DSG3: variants seen among roughly 807,000 people sequenced by gnomAD.
DSG3 encodes the protein desmoglein 3.
A neutral mutation model predicts 85.9 loss-of-function variants in DSG3; 63 were observed. The ratio of observed to expected loss-of-function variants is 0.73; its 90% CI spans 0.60 to 0.90. DSG3 has a LOEUF of 0.90. Ranked by LOEUF, DSG3 falls within the 40% of genes least tolerant of loss-of-function variation. The pLI, the probability that DSG3 is intolerant of heterozygous loss-of-function variation, is 0.00. For missense variants in DSG3, 1,220 were observed against 1,219.9 expected (o/e 1.00, Z 0.00); for synonymous variants, 447 against 441.9 (o/e 1.01, Z -0.14).
At chr18:31,466,871 A>G (rs1215959194) in intron 11 of DSG3, 117 bp downstream of exon 11, 1 of 825,252 alleles carries the variant, frequency 1.2e-6, no homozygotes, top group Admixed American at 2.4e-5. Context: ...AATTCTTTGC[A>G]ATGAAGATGT....
intron 12 of DSG3, among the ~76,000 whole-genome samples, chr18:31,470,398 T>A (rs35585743): frequency 0.1 from 15,629 of 151,582 alleles, 832 homozygotes; most frequent in Non-Finnish European, 0.11. Flanking sequence ...TAGATACAGC[T>A]AATTGCCACA....
At position 31,465,369 on chromosome 18, in the gene DSG3, TG is replaced by T; in HGVS notation, c.1324del (p.Ala442LeufsTer9). 6.5e-7 allele frequency: 1 copy of T among 1,545,046 alleles called. No individual in the cohort carries two copies. The highest frequency in any genetic ancestry group is 8.7e-7 in the Non-Finnish European group (1 of 1,145,846). On this transcript the variant is annotated frameshift_variant, in exon 10 of 16. Transcript: ENST00000257189. LOFTEE classifies it high-confidence loss of function. The part of the protein sequence containing the change: ...GGYLMIDSKT[A>X]EIKFVKNMNR... ...GATACCTAATGATTGATTCAAAAAC[TG>T]CTGAAATCAAATTTGTCAAAAATAT...
Position 31,474,187 on chromosome 18 carries a change from C to G in DSG3, c.2168C>G (p.Thr723Ser), listed in dbSNP as rs371194800. The G allele has an allele frequency of 2.5e-6, 4 of 1,614,104 alleles. No homozygotes were observed. Among genetic ancestry groups the G allele is most frequent in the Non-Finnish European group, 3.4e-6 (4 of 1,180,042 alleles). ...GGCACTTCAGGAATGGAAATGACCA[C>G]TAAGCTTGGAGCAGCCACTGAATCT... ...VEGTSGMEMT[T>S]KLGAATESGG... Residue 723 changes from threonine (T) to serine (S), a missense_variant, in exon 15 of 16, where the codon ACT becomes AGT. By Grantham distance (58) the Thr-to-Ser change is moderately conservative. Transcript: ENST00000257189.
intron 11 of DSG3, among the ~76,000 whole-genome samples, chr18:31,467,673 T>C (rs2144281142): frequency 6.6e-6 from 1 of 152,314 alleles, no homozygotes; most frequent in South Asian, 2.1e-4. Flanking sequence ...TCTCCATCCT[T>C]TCTGGATTTT....
intron 7 of DSG3, 133 bp downstream of exon 7, chr18:31,461,094 A>G: frequency 8.0e-7 from 1 of 1,254,900 alleles, no homozygotes; most frequent in Non-Finnish European, 1.1e-6. Context: ...TGCTTTTTAA[A>G]AAATATAAGA....
rs1346951191 is a variant in DSG3, at chr18:31,459,105, G to C, written c.445G>C (p.Asp149His). The C allele has an allele frequency of 1.2e-6, 2 of 1,613,188 alleles. No individual in the cohort carries two copies. The highest frequency in any genetic ancestry group is 2.2e-5 in the East Asian group (1 of 44,872). Reference protein sequence around the residue: ...KPLILTVKILDINDNPPVFSQ... With the variant: ...KPLILTVKILHINDNPPVFSQ... ...ACTTATACTAACGGTTAAAATTTTG[G>C]ATATTAATGATAATCCTCCAGTATT... The change falls in exon 5 of 16, where the codon GAT becomes CAT. Residue 149 changes from aspartate (D) to histidine (H), a missense_variant. Asp to His is a moderately conservative substitution (Grantham distance 81). Transcript: ENST00000257189.
chr18:31,470,262 T>A (rs2072847810), intron 12 of DSG3, among the ~76,000 whole-genome samples: 2 of 152,264 alleles, frequency 1.3e-5, no homozygotes, highest in Admixed American at 6.5e-5. Context: ...TTATTAATTT[T>A]AAAACCACAA....
In DSG3 at chr18:31,457,081, G is replaced by C. The variant is rs369832448; in HGVS notation, c.173G>C (p.Cys58Ser). 1 of 1,613,050 alleles carries C rather than the reference G, an allele frequency of 6.2e-7. No homozygotes were observed. The highest frequency in any genetic ancestry group is 8.5e-7 in the Non-Finnish European group (1 of 1,179,508). The change falls in exon 3 of 16, where the codon TGC (cysteine) becomes TCC (serine). Residue 58 changes from cysteine (C) to serine (S), a missense_variant. Physicochemically the swap from Cys to Ser is moderately radical, Grantham distance 112 (BLOSUM62 -1). Coordinates refer to ENST00000257189, the MANE Select transcript of DSG3 (RefSeq NM_001944.3). ...KREWVKFAKP[C>S]REGEDNSKRN... is the part of the protein sequence containing the mutation. ...GAATGGGTGAAATTTGCCAAACCCTGCAGAGAAGGAGAAGATAACTCAAAA... is the reference window on the plus strand; with the variant it reads ...GAATGGGTGAAATTTGCCAAACCCTCCAGAGAAGGAGAAGATAACTCAAAA...
chr18:31,466,639 T>G lies in DSG3; in HGVS notation c.1521T>G (p.Pro507=). The change falls in exon 11 of 16, where the codon CCT becomes CCG. Residue 507 remains proline (P), a synonymous_variant. Transcript: ENST00000257189. ...AAGATGCAGTTTGCAGTTCTTCACC[T>G]TCCGTGGTTGTCTCCGCTAGAACAC... is the stretch of plus-strand genomic sequence containing the variant. ...LEKDAVCSSS[P]SVVVSARTLN... is the part of the protein sequence containing the mutation. 1 of 1,614,244 alleles carries G rather than the reference T, an allele frequency of 6.2e-7. No individual in the cohort carries two copies. The highest frequency in any genetic ancestry group is 8.5e-7 in the Non-Finnish European group (1 of 1,180,048).
intron 4 of DSG3, 74 bp from the exon 5 acceptor site, chr18:31,458,959 C>G: frequency 6.6e-7 from 1 of 1,512,902 alleles, no homozygotes; most frequent in South Asian, 1.2e-5. Flanking sequence ...CCAACAGAGG[C>G]CTTATTTATA....
At chr18:31,460,431 G>A (rs951653583) in intron 6 of DSG3, among the ~76,000 whole-genome samples, 1 of 152,072 alleles carries the variant, frequency 6.6e-6, no homozygotes, top group African/African-American at 2.4e-5. Flanking sequence ...TGCTTCCAGA[G>A]CACTAAAGAA....
At chr18:31,463,094 T>C (rs2144274330) in intron 8 of DSG3, among the ~76,000 whole-genome samples, 1 of 152,316 alleles carries the variant, frequency 6.6e-6, no homozygotes, top group South Asian at 2.1e-4. Context: ...GGCAATTTGT[T>C]ATCTGTATTC....
At position 31,464,343 on chromosome 18, in the gene DSG3, C is replaced by G. The variant is rs369082931; in HGVS notation, c.1232C>G (p.Ala411Gly). ...GATTATATCCTGGGAACATATCAAG[C>G]CATCGATGAGGACACTAACAAAGCT... ...LVDYILGTYQ[A>G]IDEDTNKAAS... Residue 411 changes from alanine (A) to glycine (G), a missense_variant, in exon 9 of 16, where the codon GCC becomes GGC. Transcript: ENST00000257189. 3.1e-6 allele frequency: 5 copies of G among 1,613,898 alleles called. No individual in the cohort carries two copies. The highest frequency in any genetic ancestry group is 4.2e-6 in the Non-Finnish European group (5 of 1,179,932).
intron 10 of DSG3, among the ~76,000 whole-genome samples, chr18:31,466,250 T>C (rs754443664): frequency 4.9e-4 from 74 of 152,346 alleles, no homozygotes; most frequent in South Asian, 2.1e-4. Context: ...CTGATTTTAT[T>C]TGAAATTGGT....
chr18:31,461,031 T>A, intron 7 of DSG3, 70 bp downstream of exon 7: 1 of 1,446,592 alleles, frequency 6.9e-7, no homozygotes, highest in Non-Finnish European at 9.2e-7. Flanking sequence ...ATTCAGGACT[T>A]GCCTGTTTGT....
intron 1 of DSG3, among the ~76,000 whole-genome samples, chr18:31,452,752 T>A (rs895607623): frequency 6.6e-6 from 1 of 152,178 alleles, no homozygotes; most frequent in Non-Finnish European, 1.5e-5. Context: ...TTAAGGAATG[T>A]TCCCAAGTTA....
Position 31,466,680 on chromosome 18 carries a change from C to A in DSG3, c.1562C>A (p.Thr521Asn). Residue 521 changes from threonine to asparagine, a missense_variant, in exon 11 of 16, where the codon ACT (threonine) becomes AAT (asparagine). Physicochemically the swap from Thr to Asn is moderately conservative, Grantham distance 65. Transcript: ENST00000257189. ...GCTAGAACACTGAATAATAGATACACTGGCCCCTATACATTTGCACTGGAA... is the reference window on the plus strand; with the variant it reads ...GCTAGAACACTGAATAATAGATACAATGGCCCCTATACATTTGCACTGGAA... ...VSARTLNNRY[T>N]GPYTFALEDQ... is the part of the protein sequence containing the mutation. The A allele has an allele frequency of 2.5e-6, 4 of 1,614,236 alleles. No individual in the cohort carries two copies. The highest frequency in any genetic ancestry group is 3.4e-6 in the Non-Finnish European group (4 of 1,180,044).
chr18:31,447,786 G>T lies in DSG3; in HGVS notation c.-92G>T. On this transcript the variant is annotated 5_prime_UTR_variant, in exon 1 of 16. Coordinates refer to ENST00000257189, the MANE Select transcript of DSG3 (RefSeq NM_001944.3). ...TCCTTCGGAAAGCAGCAGAGACGCT[G>T]CAGAGGGCTTTTCTTAGACATCAAC... 1 of 1,070,172 alleles carries T rather than the reference G, an allele frequency of 9.3e-7. No individual in the cohort carries two copies. The highest frequency in any genetic ancestry group is 1.3e-6 in the Non-Finnish European group (1 of 742,116). The allele number at this position is 1,070,172 out of a possible 1,614,324, so 66.3% of individuals were successfully genotyped here. A position where few individuals can be genotyped will look rare whatever the true frequency, so the allele number is the denominator to read the frequency against.
chr18:31,450,325 G>T (rs1199109487), intron 1 of DSG3, among the ~76,000 whole-genome samples: 1 of 152,166 alleles, frequency 6.6e-6, no homozygotes, highest in African/African-American at 2.4e-5. Flanking sequence ...TAGGGGAAAT[G>T]GACACACCAG....
Sources: gnomAD v4.1 joint callset for allele counts (sites outside exome capture counted in the v4.1 genomes callset) on GRCh38, gnomAD v4.1.1 for gene constraint, MANE v1.5 for transcripts, NCBI Gene and HGNC (gene_info 2026-07-23, HGNC 2026-07-21) for gene names.